SHQ1: variants seen among roughly 807,000 people sequenced by gnomAD.
The protein encoded by SHQ1 is SHQ1, H/ACA ribonucleoprotein assembly factor, also known as protein SHQ1 homolog.
A neutral mutation model predicts 53.8 loss-of-function variants in SHQ1; 49 were observed. The observed-to-expected ratio is 0.91, with a 90% confidence interval of 0.72 to 1.16. The LOEUF is 1.16. Among genes scored for constraint, SHQ1 ranks in the 50% most tolerant of loss-of-function variants. The probability of loss-of-function intolerance (pLI) is 0.00; values close to 1 mark genes in which losing one functional copy is unlikely to be tolerated. For missense variants in SHQ1, 738 were observed against 683.1 expected (o/e 1.08, Z -0.90); for synonymous variants, 243 against 251.0 (o/e 0.97, Z 0.30).
intron 9 of SHQ1, among the ~76,000 whole-genome samples, chr3:72,805,879 G>A (rs1023115795): frequency 1.3e-5 from 2 of 152,140 alleles, no homozygotes; most frequent in Admixed American, 1.3e-4. Context: ...CCTCTATGGT[G>A]TATTTTAAGA....
intron 10 of SHQ1, among the ~76,000 whole-genome samples, chr3:72,775,537 G>T (rs182417138): frequency 6.7e-6 from 1 of 148,558 alleles, no homozygotes; most frequent in East Asian, 2.0e-4. Context: ...CACTGTTTCA[G>T]AGAACAGAAA....
At chr3:72,767,671 A>G (rs1446844992) in intron 10 of SHQ1, among the ~76,000 whole-genome samples, 3 of 152,202 alleles carry the variant, frequency 2.0e-5, no homozygotes. Flanking sequence ...ATTAGAACTG[A>G]AGAGTTGCCA....
chr3:72,744,747 C>A (rs990404022), downstream of SHQ1, among the ~76,000 whole-genome samples: 1 of 152,076 alleles, frequency 6.6e-6, no homozygotes, highest in Admixed American at 6.6e-5. Flanking sequence ...AGAAAAGCAG[C>A]AGATCACAAA....
chr3:72,802,273 C>T (rs1706811094), intron 9 of SHQ1, among the ~76,000 whole-genome samples: 1 of 152,232 alleles, frequency 6.6e-6, no homozygotes, highest in African/African-American at 2.4e-5. Context: ...TCAGACCATA[C>T]TGTCTGTCCC....
Position 72,819,444 on chromosome 3 carries a change from A to AT in SHQ1, c.728-2061dup, listed in dbSNP as rs576932443. ...ATTTTTCATGTAGTCAAATATGTCC[A>AT]TTTTTTTTTTAAGACAAGATTCTGG... On this transcript the variant is annotated intron_variant, in intron 6 of 10. Transcript: ENST00000325599. Among the ~76,000 whole-genome samples the AT allele has an allele frequency of 8.8e-4, 132 of 149,204 alleles. 1 individual carries two copies. The highest frequency in any genetic ancestry group is 3.1e-3 in the African/African-American group (125 of 40,756).
chr3:72,825,399 C>CACACACACACA (rs60540652), intron 5 of SHQ1, among the ~76,000 whole-genome samples: 3 of 149,530 alleles, frequency 2.0e-5, no homozygotes, highest in Admixed American at 6.7e-5. Context: ...CACACACACA[C>CACACACACACA]CATTTTTGGC....
At chr3:72,742,611 C>CT in the SHQ1 span, among the ~76,000 whole-genome samples, 3 of 128,528 alleles carry the variant, frequency 2.3e-5, no homozygotes, top group African/African-American at 6.3e-5. Flanking sequence ...CTTTTTTTTT[C>CT]TTTTTTTCTT....
At chr3:72,773,623 G>A (rs1471675505) in intron 10 of SHQ1, among the ~76,000 whole-genome samples, 1 of 152,158 alleles carries the variant, frequency 6.6e-6, no homozygotes, top group Non-Finnish European at 1.5e-5. Context: ...CAACAGGGAG[G>A]ACACTGTGGC....
chr3:72,760,940 C>G (rs1032188810), intron 10 of SHQ1, among the ~76,000 whole-genome samples: 1 of 152,050 alleles, frequency 6.6e-6, no homozygotes, highest in Non-Finnish European at 1.5e-5. Flanking sequence ...CCTTCATATC[C>G]TTTTATGAAA....
intron 10 of SHQ1, among the ~76,000 whole-genome samples, chr3:72,756,230 T>C (rs943001495): frequency 2.6e-5 from 4 of 152,034 alleles, no homozygotes; most frequent in African/African-American, 9.7e-5. Context: ...AACAAACACA[T>C]AGGCTGAGTT....
chr3:72,800,377 A>G (rs902708878), intron 9 of SHQ1, among the ~76,000 whole-genome samples: 9 of 152,362 alleles, frequency 5.9e-5, no homozygotes, highest in African/African-American at 1.9e-4. Flanking sequence ...ATATAATTAC[A>G]TGATTTAACC....
At chr3:72,818,230 T>C (rs890937214) in intron 6 of SHQ1, among the ~76,000 whole-genome samples, 1 of 152,096 alleles carries the variant, frequency 6.6e-6, no homozygotes, top group Non-Finnish European at 1.5e-5. Flanking sequence ...TCAACTGGTG[T>C]GTAACTAATT....
chr3:72,846,453 GC>G (rs1213587021), intron 1 of SHQ1: 82 of 693,560 alleles, frequency 1.2e-4, no homozygotes, highest in Admixed American at 3.0e-4. Context: ...GTGCCATCAA[GC>G]CCAGATAATT....
intron 10 of SHQ1, among the ~76,000 whole-genome samples, chr3:72,786,943 T>C (rs1706250285): frequency 6.6e-6 from 1 of 152,226 alleles, no homozygotes; most frequent in South Asian, 2.1e-4. Context: ...GTATGTTATC[T>C]ACCCTGTTCT....
chr3:72,728,433 C>A, the SHQ1 span, among the ~76,000 whole-genome samples: 1 of 152,214 alleles, frequency 6.6e-6, no homozygotes, highest in African/African-American at 2.4e-5. Flanking sequence ...AGGCCCGAGG[C>A]AGCTATAGAC....
the SHQ1 span, among the ~76,000 whole-genome samples, chr3:72,727,310 C>A: frequency 1.3e-5 from 2 of 152,124 alleles, no homozygotes; most frequent in Admixed American, 6.5e-5. Context: ...CCACCCCATG[C>A]GGCTGCCCCC....
At chr3:72,833,250 G>A (rs1707876247) in intron 4 of SHQ1, among the ~76,000 whole-genome samples, 1 of 151,990 alleles carries the variant, frequency 6.6e-6, no homozygotes, top group African/African-American at 2.4e-5. Flanking sequence ...GAACCACCCT[G>A]GGCAACATGG....
At chr3:72,754,417 C>T (rs1431331542) in intron 10 of SHQ1, among the ~76,000 whole-genome samples, 7 of 150,564 alleles carry the variant, frequency 4.6e-5, no homozygotes, top group Non-Finnish European at 1.0e-4. Flanking sequence ...TTTTCACTCT[C>T]GTTGCCCAGG....
chr3:72,833,681 C>A (rs530852484), intron 4 of SHQ1, among the ~76,000 whole-genome samples: 24 of 152,202 alleles, frequency 1.6e-4, no homozygotes, highest in Admixed American at 2.6e-4. Context: ...TAGATGCATA[C>A]ATACTGATAT....
Sources: gnomAD v4.1 joint callset for allele counts (sites outside exome capture counted in the v4.1 genomes callset) on GRCh38, gnomAD v4.1.1 for gene constraint, MANE v1.5 for transcripts, NCBI Gene and HGNC (gene_info 2026-07-23, HGNC 2026-07-21) for gene names.